Variants in SIPA1L1 observed in about 807,000 individuals in gnomAD.
SIPA1L1 encodes the protein signal induced proliferation associated 1 like 1.
Under a neutral mutation model 162.7 loss-of-function variants are expected in SIPA1L1, and 26 were observed. The ratio of observed to expected loss-of-function variants is 0.16; its 90% confidence interval spans 0.12 to 0.22. The LOEUF (loss-of-function observed/expected upper bound fraction) is 0.22, where lower values mean the gene tolerates loss of function less well. SIPA1L1 is among the 10% of genes least tolerant of loss of function. The pLI is 1.00. For missense variants in SIPA1L1, 1,874 were observed against 2,241.0 expected, an observed-to-expected ratio of 0.84 and a Z score of 3.31; for synonymous variants, 829 against 837.4, an observed-to-expected ratio of 0.99 and a Z score of 0.17.
chr14:71,421,335 G>GT (rs1413147169), intron 2 of SIPA1L1, among the ~76,000 whole-genome samples: 1 of 152,138 alleles, frequency 6.6e-6, no homozygotes, highest in Admixed American at 6.5e-5. Flanking sequence ...GCTCACGCCT[G>GT]TAACCCCAGT....
chr14:71,623,633 C>G (rs1228159280), intron 6 of SIPA1L1, among the ~76,000 whole-genome samples: 1 of 152,084 alleles, frequency 6.6e-6, no homozygotes, highest in Non-Finnish European at 1.5e-5. Context: ...TTTTATAATT[C>G]AAAGAAGTAT....
chr14:71,442,257 T>TA (rs1427507895), intron 2 of SIPA1L1, among the ~76,000 whole-genome samples: 1 of 150,844 alleles, frequency 6.6e-6, no homozygotes, highest in African/African-American at 2.4e-5. Flanking sequence ...GAACATATAG[T>TA]ATTGACATTC....
intron 2 of SIPA1L1, among the ~76,000 whole-genome samples, chr14:71,511,122 T>A (rs1032389776): frequency 1.4e-4 from 21 of 152,254 alleles, no homozygotes; most frequent in African/African-American, 4.6e-4. Context: ...TTTTTCCTTG[T>A]ATGACTTCAA....
intron 5 of SIPA1L1, among the ~76,000 whole-genome samples, chr14:71,607,604 T>C (rs184084060): frequency 6.6e-6 from 1 of 152,276 alleles, no homozygotes; most frequent in African/African-American, 2.4e-5. Context: ...GTGCCACTTC[T>C]TTTGGTAAGA....
chr14:71,640,566 A>C (rs1324329912), intron 7 of SIPA1L1, among the ~76,000 whole-genome samples: 1 of 152,230 alleles, frequency 6.6e-6, no homozygotes, highest in Non-Finnish European at 1.5e-5. Flanking sequence ...GGAGGTTACA[A>C]ATTGAATTCA....
intron 2 of SIPA1L1, among the ~76,000 whole-genome samples, chr14:71,375,338 A>T (rs1406998983): frequency 1.3e-5 from 2 of 152,186 alleles, no homozygotes; most frequent in Non-Finnish European, 2.9e-5. Flanking sequence ...ATTAATATAT[A>T]CCAATATCCA....
At position 71,530,677 on chromosome 14, in the gene SIPA1L1, T is replaced by C. The variant is rs1019531221; in HGVS notation, c.-303+1307T>C. ...AGAAATCGAATGTTTACCAATTCCATTGAACATTAAAAAACCCAGGATATT... is the reference window on the plus strand; with the variant it reads ...AGAAATCGAATGTTTACCAATTCCACTGAACATTAAAAAACCCAGGATATT... On this transcript the variant is annotated intron_variant, in intron 4 of 23. Transcript: ENST00000381232. Among the ~76,000 whole-genome samples the C allele has an allele frequency of 2.0e-5, 3 of 152,236 alleles. No individual in the cohort carries two copies. In the East Asian group the frequency reaches 5.8e-4, roughly 29 times the overall value.
chr14:71,426,467 C>T (rs2043569419), intron 2 of SIPA1L1, among the ~76,000 whole-genome samples: 2 of 148,794 alleles, frequency 1.3e-5, no homozygotes, highest in Non-Finnish European at 1.5e-5. Flanking sequence ...AGTCATAATA[C>T]CCTAATTTGA....
At chr14:71,665,330 G>T (rs1033574322) in intron 10 of SIPA1L1, among the ~76,000 whole-genome samples, 1 of 152,254 alleles carries the variant, frequency 6.6e-6, no homozygotes, top group Admixed American at 6.5e-5. Flanking sequence ...GGACTAGAAA[G>T]CTTATATAGG....
At chr14:71,553,455 T>C (rs536683709) in intron 4 of SIPA1L1, among the ~76,000 whole-genome samples, 1 of 152,374 alleles carries the variant, frequency 6.6e-6, no homozygotes, top group East Asian at 1.9e-4. Context: ...ACATTTTGCT[T>C]CTGCATTCTT....
rs931074401 is a variant in SIPA1L1, at chr14:71,624,307, A to G, written c.1818+71A>G. 5 of 1,285,132 alleles carry G rather than the reference A, an allele frequency of 3.9e-6. No individual in the cohort carries two copies. In the African/African-American group the frequency reaches 7.5e-5, roughly 19 times the overall value. The allele number at this position is 1,285,132 out of a possible 1,614,324, so 79.6% of individuals were successfully genotyped here. On this transcript the variant is annotated intron_variant, in intron 7 of 23. Coordinates refer to ENST00000381232, the MANE Select transcript of SIPA1L1 (RefSeq NM_001386936.1). ...CTAGGCTTCCGGAATACAGACCTTA[A>G]TGTTTCTTGTTTTGATGGAGATAAT... is the stretch of plus-strand genomic sequence containing the variant.
At chr14:71,567,770 C>G (rs2031022012) in intron 4 of SIPA1L1, among the ~76,000 whole-genome samples, 1 of 149,454 alleles carries the variant, frequency 6.7e-6, no homozygotes, top group African/African-American at 2.5e-5. Flanking sequence ...GCAGCATGGG[C>G]TGCTCAATGG....
chr14:71,506,761 T>C (rs918160153), intron 2 of SIPA1L1, among the ~76,000 whole-genome samples: 1 of 152,192 alleles, frequency 6.6e-6, no homozygotes, highest in African/African-American at 2.4e-5. Context: ...ATGGAATTTA[T>C]ATTTCTCTAT....
At chr14:71,536,221 G>A (rs2053887223) in intron 4 of SIPA1L1, among the ~76,000 whole-genome samples, 1 of 151,874 alleles carries the variant, frequency 6.6e-6, no homozygotes. Flanking sequence ...GTTGTCCTTT[G>A]TGCTGTTTTG....
chr14:71,542,475 GCTTCTGCTT>G (rs1047200137), intron 4 of SIPA1L1, among the ~76,000 whole-genome samples: 12 of 146,992 alleles, frequency 8.2e-5, no homozygotes, highest in African/African-American at 2.0e-4. Flanking sequence ...TGCTGCTTCT[GCTTCTGCTT>G]CTTCTGCTTC....
chr14:71,607,359 T>G (rs2037649679), intron 5 of SIPA1L1, among the ~76,000 whole-genome samples: 1 of 151,896 alleles, frequency 6.6e-6, no homozygotes, highest in African/African-American at 2.4e-5. Flanking sequence ...GCTTGGTGTT[T>G]TGCTTTGTAT....
intron 17 of SIPA1L1, among the ~76,000 whole-genome samples, chr14:71,718,509 G>T (rs1390364434): frequency 6.6e-6 from 1 of 152,154 alleles, no homozygotes; most frequent in Non-Finnish European, 1.5e-5. Flanking sequence ...TGAAAGCCAG[G>T]TGTGGCAGTG....
chr14:71,518,641 C>A (rs925936847), intron 3 of SIPA1L1, among the ~76,000 whole-genome samples: 1 of 151,794 alleles, frequency 6.6e-6, no homozygotes, highest in Non-Finnish European at 1.5e-5. Flanking sequence ...TGGAATTTGT[C>A]GAGTTTTTAA....
At chr14:71,360,181 ATGT>A (rs1469178894) in intron 2 of SIPA1L1, among the ~76,000 whole-genome samples, 1 of 152,250 alleles carries the variant, frequency 6.6e-6, no homozygotes, top group Non-Finnish European at 1.5e-5. Flanking sequence ...AAAGCTTATA[ATGT>A]TCTAAAGGTT....
Sources: allele counts gnomAD v4.1 joint callset (sites outside exome capture counted in the v4.1 genomes callset), GRCh38; gene constraint gnomAD v4.1.1; transcripts MANE v1.5; gene names NCBI Gene and HGNC (gene_info 2026-07-23, HGNC 2026-07-21).